ENOX1: variants seen among roughly 807,000 people sequenced by gnomAD.
ENOX1 encodes the protein ecto-NOX disulfide-thiol exchanger 1, also known as candidate growth-related and time keeping constitutive hydroquinone (NADH) oxidase.
In ENOX1, 42 loss-of-function variants were observed where a neutral mutation model predicts 82.5. The observed-to-expected ratio is 0.51, with a 90% CI of 0.40 to 0.66. ENOX1 has a LOEUF of 0.66. Among genes scored for constraint, ENOX1 ranks in the 30% least tolerant of loss-of-function variants. The probability of loss-of-function intolerance (pLI) is 0.00; values close to 1 mark genes in which losing one functional copy is unlikely to be tolerated. For synonymous variants in ENOX1, 271 were observed against 282.2 expected (o/e 0.96, Z 0.40); for missense variants, 608 against 811.6 (o/e 0.75, Z 3.05).
At chr13:43,670,354 C>T (rs1202402744) in intron 1 of ENOX1, among the ~76,000 whole-genome samples, 9 of 152,148 alleles carry the variant, frequency 5.9e-5, no homozygotes, top group Admixed American at 4.6e-4. Flanking sequence ...AGGTATTTCA[C>T]TCTTTATTTT....
At chr13:43,616,201 TA>T (rs1187936587) in intron 2 of ENOX1, among the ~76,000 whole-genome samples, 3 of 17,120 alleles carry the variant, frequency 1.8e-4, no homozygotes, top group African/African-American at 2.4e-4. Context: ...TATATATATA[TA>T]TATTTTTTTT....
At chr13:43,370,369 GA>G (rs529881220) in intron 5 of ENOX1, among the ~76,000 whole-genome samples, 88 of 143,996 alleles carry the variant, frequency 6.1e-4, no homozygotes, top group Middle Eastern at 3.6e-3. Context: ...TCCATCTCAA[GA>G]AAAAAAAAAA....
At chr13:43,384,361 C>A (rs886264661) in intron 5 of ENOX1, among the ~76,000 whole-genome samples, 5 of 152,066 alleles carry the variant, frequency 3.3e-5, no homozygotes, top group African/African-American at 1.2e-4. Flanking sequence ...GAGAGAGAAC[C>A]ATACAAGACC....
intron 2 of ENOX1, among the ~76,000 whole-genome samples, chr13:43,552,026 T>C (rs1380180165): frequency 6.6e-6 from 1 of 152,198 alleles, no homozygotes; most frequent in African/African-American, 2.4e-5. Context: ...TACCCTGATG[T>C]CTGAGTCATC....
chr13:43,760,908 T>C (rs1950933023), intron 1 of ENOX1, among the ~76,000 whole-genome samples: 1 of 150,798 alleles, frequency 6.6e-6, no homozygotes, highest in African/African-American at 2.4e-5. Context: ...GCCACCTGCC[T>C]GGCAATGAGC....
rs189957807 is a variant in ENOX1, at chr13:43,421,553, C to T, written c.-74-8565G>A. 2.7e-3 allele frequency among the ~76,000 whole-genome samples: 410 copies of T among 152,254 alleles called. 1 individual carries two copies. Among genetic ancestry groups the T allele is most frequent in the Admixed American group, 5.6e-3 (85 of 15,302 alleles). Reference sequence around the variant, plus strand: ...CACTGAACTTTTTCCTGAAGTGTCACATCACACTACATTGCACCTAAGGAG... The same window carrying T: ...CACTGAACTTTTTCCTGAAGTGTCATATCACACTACATTGCACCTAAGGAG... On this transcript the variant is annotated intron_variant, in intron 3 of 16. Transcript: ENST00000690772.
chr13:43,696,754 G>C (rs560617835), intron 1 of ENOX1, among the ~76,000 whole-genome samples: 76 of 149,328 alleles, frequency 5.1e-4, no homozygotes, highest in African/African-American at 1.8e-3. Context: ...AATTCAAGAC[G>C]TACGTAAATA....
At chr13:43,521,189 G>GT (rs1223805914) in intron 2 of ENOX1, among the ~76,000 whole-genome samples, 7 of 151,876 alleles carry the variant, frequency 4.6e-5, no homozygotes, top group Non-Finnish European at 8.8e-5. Flanking sequence ...CTAGAAACAG[G>GT]TTTTTTTCTA....
intron 1 of ENOX1, among the ~76,000 whole-genome samples, chr13:43,756,382 G>A (rs768384667): frequency 1.3e-4 from 20 of 151,264 alleles, no homozygotes; most frequent in South Asian, 4.2e-4. Flanking sequence ...GCAGTGAACC[G>A]GGATCGTACC....
intron 9 of ENOX1, among the ~76,000 whole-genome samples, chr13:43,331,484 G>C (rs998874337): frequency 1.3e-5 from 2 of 151,950 alleles, no homozygotes; most frequent in African/African-American, 4.8e-5. Context: ...AACTCTGCAG[G>C]GTACACAGGA....
chr13:43,573,717 C>T (rs2153712698), intron 2 of ENOX1, among the ~76,000 whole-genome samples: 1 of 152,252 alleles, frequency 6.6e-6, no homozygotes, highest in Non-Finnish European at 1.5e-5. Flanking sequence ...ATATGGCTAA[C>T]ATTCCTTAAA....
intron 2 of ENOX1, among the ~76,000 whole-genome samples, chr13:43,511,905 T>C (rs534772205): frequency 1.3e-5 from 2 of 152,208 alleles, no homozygotes; most frequent in South Asian, 2.1e-4. Context: ...AGCTTAAGGC[T>C]GAGAAGTGCG....
At chr13:43,710,937 T>G (rs1445715021) in intron 1 of ENOX1, among the ~76,000 whole-genome samples, 1 of 152,112 alleles carries the variant, frequency 6.6e-6, no homozygotes, top group Admixed American at 6.5e-5. Context: ...TTATTATACT[T>G]TAAGTTTTAG....
chr13:43,625,391 T>A (rs746689026), intron 2 of ENOX1, among the ~76,000 whole-genome samples: 1 of 152,068 alleles, frequency 6.6e-6, no homozygotes, highest in Admixed American at 6.5e-5. Context: ...AGTAGTGAGA[T>A]TGAATATCCT....
chr13:43,272,464 C>T (rs1476215025), intron 12 of ENOX1, among the ~76,000 whole-genome samples: 2 of 152,168 alleles, frequency 1.3e-5, no homozygotes, highest in Non-Finnish European at 2.9e-5. Context: ...CTGCTGTGCT[C>T]TACTGAATAA....
intron 1 of ENOX1, among the ~76,000 whole-genome samples, chr13:43,773,963 T>G (rs1487673469): frequency 6.6e-6 from 1 of 152,140 alleles, no homozygotes; most frequent in Non-Finnish European, 1.5e-5. Context: ...CGCAATATGA[T>G]ATGAAAAATA....
chr13:43,648,194 C>T (rs903164628), intron 2 of ENOX1, among the ~76,000 whole-genome samples: 3 of 152,196 alleles, frequency 2.0e-5, no homozygotes, highest in African/African-American at 7.2e-5. Context: ...TAACCCAGTA[C>T]TGGGACTATT....
intron 1 of ENOX1, among the ~76,000 whole-genome samples, chr13:43,730,971 C>G (rs559292043): frequency 6.6e-6 from 1 of 152,284 alleles, no homozygotes; most frequent in African/African-American, 2.4e-5. Flanking sequence ...ACATTGCTCC[C>G]CAACTCTTTC....
chr13:43,671,783 T>C (rs770589237), intron 1 of ENOX1, among the ~76,000 whole-genome samples: 1 of 152,122 alleles, frequency 6.6e-6, no homozygotes, highest in African/African-American at 2.4e-5. Flanking sequence ...GATCCCTATC[T>C]CTCTGGATTC....
Sources: allele counts gnomAD v4.1 joint callset (sites outside exome capture counted in the v4.1 genomes callset), GRCh38; gene constraint gnomAD v4.1.1; transcripts MANE v1.5; gene names NCBI Gene and HGNC (gene_info 2026-07-23, HGNC 2026-07-21).